Variants in POMP observed in about 807,000 individuals in gnomAD.
POMP encodes the protein proteasome maturation protein.
Under a neutral mutation model 20.6 loss-of-function variants are expected in POMP, and 12 were observed. The observed-to-expected ratio is 0.58, with a 90% CI of 0.37 to 0.94. POMP has a LOEUF of 0.94. Ranked by LOEUF, POMP falls within the 40% of genes least tolerant of loss-of-function variation. POMP has a pLI of 0.01. For synonymous variants in POMP, 53 were observed against 55.0 expected, an observed-to-expected ratio of 0.96 and a Z score of 0.16; for missense variants, 136 against 161.1, an observed-to-expected ratio of 0.84 and a Z score of 0.84.
intron 4 of POMP, among the ~76,000 whole-genome samples, 179 bp downstream of exon 4, chr13:28,668,753 A>T (rs1884489873): frequency 6.6e-6 from 1 of 152,044 alleles, no homozygotes; most frequent in African/African-American, 2.4e-5. Context: ...TAAATGGAAA[A>T]CTTCAAATTA....
chr13:28,674,896 G>T (rs1367609328), intron 5 of POMP, among the ~76,000 whole-genome samples: 1 of 151,610 alleles, frequency 6.6e-6, no homozygotes, highest in Non-Finnish European at 1.5e-5. Flanking sequence ...TAAATTAATT[G>T]GGCATAGTGG....
intron 4 of POMP, 95 bp from the exon 5 acceptor site, chr13:28,672,244 C>T (rs1593175032): frequency 9.3e-7 from 1 of 1,073,752 alleles, no homozygotes; most frequent in East Asian, 2.4e-5. Flanking sequence ...TGCGAATTTT[C>T]AAACAAAGAA....
intron 2 of POMP, 102 bp from the exon 3 acceptor site, chr13:28,664,407 A>G: frequency 1.3e-6 from 1 of 768,668 alleles, no homozygotes. Context: ...TGTCACCCCA[A>G]AAAACTCTCT....
intron 3 of POMP, among the ~76,000 whole-genome samples, chr13:28,665,345 G>A (rs1884423678): frequency 6.6e-6 from 1 of 152,194 alleles, no homozygotes; most frequent in Admixed American, 6.5e-5. Flanking sequence ...TTTCTAATAA[G>A]AGGATAGGTC....
At chr13:28,663,851 A>G (rs536385099) in intron 2 of POMP, among the ~76,000 whole-genome samples, 39 of 152,278 alleles carry the variant, frequency 2.6e-4, no homozygotes, top group African/African-American at 8.7e-4. Context: ...GGGCAGGACC[A>G]TTTTCAAAAC....
At chr13:28,659,368 CG>C (rs1884292794) in intron 1 of POMP, among the ~76,000 whole-genome samples, 181 bp downstream of exon 1, 1 of 152,320 alleles carries the variant, frequency 6.6e-6, no homozygotes, top group South Asian at 2.1e-4. Flanking sequence ...TGACTGTCGC[CG>C]GGGCCCGGCA....
chr13:28,666,487 A>G (rs1884448946), intron 3 of POMP, among the ~76,000 whole-genome samples: 1 of 152,182 alleles, frequency 6.6e-6, no homozygotes, highest in Non-Finnish European at 1.5e-5. Flanking sequence ...AAAACTTCAG[A>G]GATCTTTTTG....
At chr13:28,659,217 C>T in intron 1 of POMP, 30 bp downstream of exon 1, 9 of 1,581,110 alleles carry the variant, frequency 5.7e-6, no homozygotes, top group Non-Finnish European at 7.7e-6. Flanking sequence ...GCTGGAGTTC[C>T]ACGCGGGCTC....
At chr13:28,665,327 TG>T (rs1195801444) in intron 3 of POMP, among the ~76,000 whole-genome samples, 13 of 152,362 alleles carry the variant, frequency 8.5e-5, no homozygotes, top group African/African-American at 2.9e-4. Flanking sequence ...GTTGTTTGTT[TG>T]TTTCGCTTTC....
chr13:28,666,908 A>G (rs1370342751), intron 3 of POMP, among the ~76,000 whole-genome samples: 1 of 152,018 alleles, frequency 6.6e-6, no homozygotes, highest in African/African-American at 2.4e-5. Flanking sequence ...GCGGTGGGGG[A>G]TGGGGGGATG....
intron 4 of POMP, among the ~76,000 whole-genome samples, chr13:28,670,609 C>G (rs1350406386): frequency 6.6e-6 from 1 of 152,216 alleles, no homozygotes; most frequent in East Asian, 1.9e-4. Flanking sequence ...TGAATTGGCT[C>G]CTTGCTTCCC....
At chr13:28,672,866 T>TTGTTTA in intron 5 of POMP, among the ~76,000 whole-genome samples, 1 of 152,168 alleles carries the variant, frequency 6.6e-6, no homozygotes, top group Non-Finnish European at 1.5e-5. Context: ...CTGATATTCC[T>TTGTTTA]AGGGTGACTT....
intron 4 of POMP, among the ~76,000 whole-genome samples, chr13:28,670,045 G>T (rs1292371062): frequency 6.6e-6 from 1 of 152,182 alleles, no homozygotes; most frequent in Non-Finnish European, 1.5e-5. Flanking sequence ...GGGAGTCGGA[G>T]GTTGCAGTGA....
chr13:28,676,872 C>T (rs184383432), intron 5 of POMP, among the ~76,000 whole-genome samples: 1 of 152,302 alleles, frequency 6.6e-6, no homozygotes, highest in East Asian at 1.9e-4. Flanking sequence ...CTCAGAGTCT[C>T]ACGGCGAGCT....
Position 28,659,200 on chromosome 13 carries a change from C to T in POMP, c.3+13C>T, listed in dbSNP as rs199642264. The T allele has an allele frequency of 1.8e-4, 292 of 1,589,210 alleles. 1 individual carries two copies. Among genetic ancestry groups the T allele is most frequent in the African/African-American group, 2.3e-4 (17 of 74,358 alleles). The stretch of plus-strand genomic sequence containing the variant: ...GCTGCGGAAGATGGTGAGTGGGTAC[C>T]CGGGCGGCTGGAGTTCCACGCGGGC... On this transcript the variant is annotated intron_variant, in intron 1 of 5. Coordinates refer to ENST00000380842, the MANE Select transcript of POMP (RefSeq NM_015932.6).
In POMP at chr13:28,669,111, A is replaced by C. The variant is rs536162094; in HGVS notation, c.264+537A>C. The stretch of plus-strand genomic sequence containing the variant: ...TTGAACCGCTGTTGTCTTTTAAAAC[A>C]AAAAAAAATTGTATCAATTTCAAAT... On this transcript the variant is annotated intron_variant, in intron 4 of 5. Transcript: ENST00000380842. 3.4e-4 allele frequency among the ~76,000 whole-genome samples: 52 copies of C among 151,378 alleles called. No homozygotes were observed. The South Asian group carries it at 0.01, about 29-fold the overall frequency.
chr13:28,675,842 C>T lies in POMP; in HGVS notation c.359-2193C>T, dbSNP rs567317791. 1.2e-3 allele frequency among the ~76,000 whole-genome samples: 187 copies of T among 152,054 alleles called. 1 individual carries two copies. The highest frequency in any genetic ancestry group is 1.9e-3 in the Admixed American group (29 of 15,278). ...AAAGGGGGGCCAGTGAATTATATGG[C>T]GAGAGGGAGCAAGAGAGTGAGGGGG... On this transcript the variant is annotated intron_variant, in intron 5 of 5. Coordinates refer to ENST00000380842, the MANE Select transcript of POMP (RefSeq NM_015932.6).
chr13:28,671,285 A>G (rs576440311), intron 4 of POMP, among the ~76,000 whole-genome samples: 3 of 152,320 alleles, frequency 2.0e-5, no homozygotes, highest in East Asian at 3.9e-4. Context: ...TAAGAGTAGC[A>G]TAGGATTATT....
Position 28,678,589 on chromosome 13 carries a change from ATT to A in POMP, c.*490_*491del, listed in dbSNP as rs748338017. ...GAATAATATTTACTGTGTCAGTGCT[ATT>A]TTAGGATTATAGTTATTGTTTGATT... On this transcript the variant is annotated 3_prime_UTR_variant, in exon 6 of 6. Coordinates refer to ENST00000380842, the MANE Select transcript of POMP (RefSeq NM_015932.6). 4.8e-4 allele frequency: 75 copies of A among 157,008 alleles called. No individual in the cohort carries two copies. Among genetic ancestry groups the A allele is most frequent in the Non-Finnish European group, 8.0e-4 (57 of 70,980 alleles). The allele number at this position is 157,008 out of a possible 1,614,324, so 9.7% of individuals were successfully genotyped here.
Sources: gnomAD v4.1 joint callset for allele counts (sites outside exome capture counted in the v4.1 genomes callset) on GRCh38, gnomAD v4.1.1 for gene constraint, MANE v1.5 for transcripts, NCBI Gene and HGNC (gene_info 2026-07-23, HGNC 2026-07-21) for gene names.